CCNYL1: variants seen among roughly 807,000 people sequenced by gnomAD.
CCNYL1 encodes cyclin-Y-like protein 1.
CCNYL1 carries 16 observed loss-of-function variants against 44.2 expected under a neutral mutation model. The observed-to-expected ratio is 0.36, with a 90% CI of 0.25 to 0.55. The LOEUF is 0.55. Ranked by LOEUF, CCNYL1 falls within the 20% of genes least tolerant of loss-of-function variation. The pLI is 0.85. For missense variants in CCNYL1, 348 were observed against 451.8 expected, an observed-to-expected ratio of 0.77 and a Z score of 2.08; for synonymous variants, 159 against 163.2, an observed-to-expected ratio of 0.97 and a Z score of 0.20.
At chr2:207,727,964 CTTT>C (rs535485306) in intron 3 of CCNYL1, among the ~76,000 whole-genome samples, 4 of 140,958 alleles carry the variant, frequency 2.8e-5, no homozygotes, top group Non-Finnish European at 3.1e-5. Flanking sequence ...CTCTCTCTCT[CTTT>C]TTTTTTTTTT....
At chr2:207,727,099 A>G (rs994056232) in intron 3 of CCNYL1, among the ~76,000 whole-genome samples, 5 of 152,166 alleles carry the variant, frequency 3.3e-5, no homozygotes, top group African/African-American at 7.2e-5. Flanking sequence ...TTAAATTTCA[A>G]TAGTTTGGTT....
chr2:207,738,289 C>T (rs541539535), intron 5 of CCNYL1, among the ~76,000 whole-genome samples: 4 of 152,130 alleles, frequency 2.6e-5, no homozygotes, highest in Non-Finnish European at 5.9e-5. Context: ...GGCACGATCT[C>T]GGCTCACTGC....
rs1044354123 is a variant in CCNYL1, at chr2:207,729,702, A to G, written c.330+2826A>G. The stretch of plus-strand genomic sequence containing the variant: ...TTTCCCCTTTCCTTTCTCCTGTCCT[A>G]TCCTTTCCTTTGCTTTTCTTTCTGA... On this transcript the variant is annotated intron_variant, in intron 3 of 9. Transcript: ENST00000295414. Among the ~76,000 whole-genome samples the G allele has an allele frequency of 2.7e-5, 4 of 145,676 alleles. No individual in the cohort carries two copies. In the Admixed American group the frequency reaches 2.8e-4, roughly 10 times the overall value.
intron 6 of CCNYL1, 148 bp from the exon 7 acceptor site, chr2:207,742,075 C>CG (rs1559171378): frequency 1.1e-5 from 7 of 615,518 alleles, no homozygotes; most frequent in African/African-American, 5.8e-5. Context: ...CACTTAAACC[C>CG]GGGGGGTAGA....
At chr2:207,740,864 A>T (rs543196842) in intron 6 of CCNYL1, among the ~76,000 whole-genome samples, 158 bp downstream of exon 6, 2 of 152,376 alleles carry the variant, frequency 1.3e-5, no homozygotes, top group South Asian at 4.1e-4. Flanking sequence ...GTAAACATTT[A>T]AAAATTCACT....
chr2:207,743,812 G>T lies in CCNYL1; in HGVS notation c.639+1470G>T, dbSNP rs1575221792. Among the ~76,000 whole-genome samples, 3 of 150,728 alleles carry T rather than the reference G, an allele frequency of 2.0e-5. No individual in the cohort carries two copies. In the East Asian group the frequency reaches 5.8e-4, roughly 29 times the overall value. On this transcript the variant is annotated intron_variant, in intron 7 of 9. Coordinates refer to ENST00000295414, the MANE Select transcript of CCNYL1 (RefSeq NM_001330218.2). ...CTCTGTGCCACTATTCTTGTTTTTT[G>T]TTTTTGTTTTTGTTTTTGTTTTGTT... is the stretch of plus-strand genomic sequence containing the variant.
chr2:207,724,789 C>G lies in CCNYL1; in HGVS notation c.221-11C>G, dbSNP rs779602983. ...CCTAAAGTGTCACGTCTTTTTCCTC[C>G]TCTTCTATAGATTTAGCTTTGGAGT... is the stretch of plus-strand genomic sequence containing the variant. On this transcript the variant is annotated splice_polypyrimidine_tract_variant and intron_variant, in intron 1 of 9. Coordinates refer to ENST00000295414, the MANE Select transcript of CCNYL1 (RefSeq NM_001330218.2). 2.5e-6 allele frequency: 4 copies of G among 1,606,060 alleles called. No homozygotes were observed. The highest frequency in any genetic ancestry group is 2.6e-6 in the Non-Finnish European group (3 of 1,173,436).
At chr2:207,742,407 T>C in intron 7 of CCNYL1, 65 bp downstream of exon 7, 4 of 1,412,950 alleles carry the variant, frequency 2.8e-6, no homozygotes, top group Middle Eastern at 1.9e-4. Context: ...TATGGTCCTA[T>C]TTTTCAAATA....
intron 9 of CCNYL1, 106 bp from the exon 10 acceptor site, chr2:207,753,482 A>T: frequency 1.5e-6 from 1 of 679,536 alleles, no homozygotes. Flanking sequence ...TGTAACTGTG[A>T]ACTATCTAAA....
intron 1 of CCNYL1, among the ~76,000 whole-genome samples, chr2:207,718,341 G>T (rs557323098): frequency 6.6e-6 from 1 of 152,122 alleles, no homozygotes; most frequent in African/African-American, 2.4e-5. Flanking sequence ...CTGAGACCCT[G>T]CCTCTACAAA....
rs1361746279 is a variant in CCNYL1 at position 207,747,037 on chromosome 2, T to C, written c.640-10T>C. The C allele has an allele frequency of 4.4e-6, 7 of 1,608,332 alleles. No individual in the cohort carries two copies. The highest frequency in any genetic ancestry group is 6.0e-6 in the Non-Finnish European group (7 of 1,175,850). ...GAACTAAAATCAAAGACCAGTGCTC[T>C]ATTTTACAGGTTTACTTAGAAAGGC... is the stretch of plus-strand genomic sequence containing the variant. On this transcript the variant is annotated splice_polypyrimidine_tract_variant and intron_variant, in intron 7 of 9. Coordinates refer to ENST00000295414, the MANE Select transcript of CCNYL1 (RefSeq NM_001330218.2).
Position 207,716,190 on chromosome 2 carries a change from TA to T in CCNYL1, c.220+4076del, listed in dbSNP as rs1317535981. Among the ~76,000 whole-genome samples, 8 of 152,344 alleles carry T rather than the reference TA, an allele frequency of 5.3e-5. No homozygotes were observed. The South Asian group carries it at 1.7e-3, about 32-fold the overall frequency. Reference sequence around the variant, plus strand: ...TATGTTCTGACGTTAGGAGCTTTGCTAATTTGCTGGCTAAAGGCGCTCTCTG... The same window carrying T: ...TATGTTCTGACGTTAGGAGCTTTGCTATTTGCTGGCTAAAGGCGCTCTCTG... On this transcript the variant is annotated intron_variant, in intron 1 of 9. Coordinates refer to ENST00000295414, the MANE Select transcript of CCNYL1 (RefSeq NM_001330218.2).
rs1575210165 is a variant in CCNYL1 at position 207,721,600 on chromosome 2, T to G, written c.221-3200T>G. Among the ~76,000 whole-genome samples the G allele has an allele frequency of 2.0e-5, 3 of 152,368 alleles. No homozygotes were observed. In the South Asian group the frequency reaches 6.2e-4, roughly 32 times the overall value. On this transcript the variant is annotated intron_variant, in intron 1 of 9. Coordinates refer to ENST00000295414, the MANE Select transcript of CCNYL1 (RefSeq NM_001330218.2). ...TTACTTGCCCCCCATCATACTATCA[T>G]GCTTTCGAATTAAGTTGCAATTTAA...
At chr2:207,739,023 T>C (rs1478261798) in intron 5 of CCNYL1, among the ~76,000 whole-genome samples, 1 of 151,968 alleles carries the variant, frequency 6.6e-6, no homozygotes, top group African/African-American at 2.4e-5. Context: ...CCCAGCCTGG[T>C]TCACATTTCT....
At chr2:207,742,123 C>T (rs1221248676) in intron 6 of CCNYL1, 100 bp from the exon 7 acceptor site, 5 of 1,204,780 alleles carry the variant, frequency 4.2e-6, no homozygotes, top group Non-Finnish European at 5.8e-6. Context: ...TGCACTCCAG[C>T]CTGGGCAGTA....
In CCNYL1 at chr2:207,753,852, C is replaced by A; in HGVS notation, c.*154C>A. The A allele has an allele frequency of 1.8e-6, 1 of 560,882 alleles. No homozygotes were observed. The highest frequency in any genetic ancestry group is 2.9e-5 in the East Asian group (1 of 34,306). 34.7% of individuals were successfully genotyped at this position (560,882 alleles called of 1,614,324 possible). On this transcript the variant is annotated 3_prime_UTR_variant, in exon 10 of 10. Transcript: ENST00000295414. ...ACTCATGGACAACAAGGATTATACTCCACAGGAAAGAATGGGACCTTGTCA... is the reference window on the plus strand; with the variant it reads ...ACTCATGGACAACAAGGATTATACTACACAGGAAAGAATGGGACCTTGTCA...
chr2:207,731,807 T>C (rs997220338), intron 3 of CCNYL1, among the ~76,000 whole-genome samples: 1 of 1,544 alleles, frequency 6.5e-4, no homozygotes, highest in Admixed American at 0.023. Flanking sequence ...AGGTTTCTTC[T>C]TTTTTTTTTT....
At chr2:207,724,774 C>CACGTCT in intron 1 of CCNYL1, 26 bp from the exon 2 acceptor site, 1 of 1,538,350 alleles carries the variant, frequency 6.5e-7, no homozygotes, top group Non-Finnish European at 9.0e-7. Context: ...CCTAAAGTGT[C>CACGTCT]ACGTCTTTTT....
At chr2:207,719,846 A>T (rs1415863451) in intron 1 of CCNYL1, among the ~76,000 whole-genome samples, 7 of 152,020 alleles carry the variant, frequency 4.6e-5, no homozygotes, top group Non-Finnish European at 7.4e-5. Flanking sequence ...CTCTTGCCTC[A>T]GCCTCCCAAG....
Sources: gnomAD v4.1 joint callset for allele counts (sites outside exome capture counted in the v4.1 genomes callset) on GRCh38, gnomAD v4.1.1 for gene constraint, MANE v1.5 for transcripts, NCBI Gene and HGNC (gene_info 2026-07-23, HGNC 2026-07-21) for gene names.